Variants in KCNMA1 observed in about 807,000 individuals in gnomAD.
KCNMA1 encodes the protein potassium calcium-activated channel subfamily M alpha 1.
Under a neutral mutation model 140.0 loss-of-function variants are expected in KCNMA1, and 29 were observed. The observed-to-expected ratio is 0.21, with a 90% confidence interval of 0.15 to 0.28. The LOEUF (loss-of-function observed/expected upper bound fraction) is 0.28. Ranked by LOEUF, KCNMA1 falls within the 10% of genes least tolerant of loss-of-function variation. KCNMA1 has a pLI of 1.00. For synonymous variants in KCNMA1, 612 were observed against 611.9 expected (o/e 1.00, Z 0.00); for missense variants, 880 against 1,602.2 (o/e 0.55, Z 7.70).
At chr10:77,283,871 T>C (rs1351677508) in intron 2 of KCNMA1, among the ~76,000 whole-genome samples, 1 of 152,170 alleles carries the variant, frequency 6.6e-6, no homozygotes, top group Non-Finnish European at 1.5e-5. Flanking sequence ...AACACAATTC[T>C]AGAAGAGCTG....
intron 1 of KCNMA1, among the ~76,000 whole-genome samples, chr10:77,623,992 T>G (rs1169005391): frequency 6.6e-6 from 1 of 152,226 alleles, no homozygotes; most frequent in Non-Finnish European, 1.5e-5. Flanking sequence ...ATGTGCTGGC[T>G]GCTTACGGTT....
intron 2 of KCNMA1, among the ~76,000 whole-genome samples, chr10:77,289,753 A>C (rs1437651631): frequency 6.6e-6 from 1 of 152,236 alleles, no homozygotes; most frequent in Non-Finnish European, 1.5e-5. Flanking sequence ...AGTCTTCAAA[A>C]TAGTACATCA....
rs2152943036 is a variant in KCNMA1, at chr10:76,949,188, C to T, written c.2663G>A (p.Arg888Gln). The change falls in exon 22 of 28, where the codon CGG (arginine) becomes CAG (glutamine). Residue 888 changes from arginine (R) to glutamine (Q), a missense_variant. Arg to Gln is a conservative substitution (Grantham distance 43). Around this residue, in one of 13 missense-constraint regions of KCNMA1, gnomAD observed 82 missense variants for 170.1 expected, o/e 0.48. Coordinates refer to ENST00000286628, the MANE Select transcript of KCNMA1 (RefSeq NM_001161352.2). ...VFVGSIEYLK[R>Q]EWETLHNFPK... ...GAAGTTATGAAGCGTCTCCCATTCC[C>T]GCTTGAGGTACTCAATAGAGCCCAC... 3.1e-6 allele frequency: 5 copies of T among 1,614,148 alleles called. No individual in the cohort carries two copies. Among genetic ancestry groups the T allele is most frequent in the East Asian group, 2.2e-5 (1 of 44,876 alleles).
At chr10:76,950,450 G>C (rs1266949248) in intron 21 of KCNMA1, among the ~76,000 whole-genome samples, 1 of 152,152 alleles carries the variant, frequency 6.6e-6, no homozygotes, top group Non-Finnish European at 1.5e-5. Context: ...CAACTTCCCA[G>C]GAAATACAAA....
downstream of KCNMA1, chr10:76,876,137 A>T (rs548053449): frequency 5.9e-5 from 9 of 152,672 alleles, no homozygotes; most frequent in African/African-American, 2.2e-4. Context: ...TGTCTTCATG[A>T]TGATCTCATT....
In KCNMA1 at chr10:77,061,383, A is replaced by G. The variant is rs577793247; in HGVS notation, c.1749+11714T>C. Among the ~76,000 whole-genome samples the G allele has an allele frequency of 2.6e-5, 4 of 152,368 alleles. No individual in the cohort carries two copies. The East Asian group carries it at 7.7e-4, about 29-fold the overall frequency. The stretch of plus-strand genomic sequence containing the variant: ...CAGCACTTCACCAAAAAGCATATAC[A>G]GATGACAAATAACCACTGGGAAGGT... On this transcript the variant is annotated intron_variant, in intron 14 of 27. Coordinates refer to ENST00000286628, the MANE Select transcript of KCNMA1 (RefSeq NM_001161352.2).
chr10:77,025,493 A>G (rs776622478), intron 16 of KCNMA1: 17 of 1,557,814 alleles, frequency 1.1e-5, no homozygotes, highest in Non-Finnish European at 1.5e-5. Flanking sequence ...AAAATCAAAC[A>G]ATTTGATAAT....
chr10:77,227,168 T>G (rs1273622473), intron 3 of KCNMA1, among the ~76,000 whole-genome samples: 1 of 152,136 alleles, frequency 6.6e-6, no homozygotes, highest in Admixed American at 6.6e-5. Context: ...TTGAGGCTCA[T>G]GGAGAAAAGC....
At chr10:77,622,028 G>A (rs1222070526) in intron 1 of KCNMA1, among the ~76,000 whole-genome samples, 1 of 152,180 alleles carries the variant, frequency 6.6e-6, no homozygotes, top group Admixed American at 6.5e-5. Context: ...ACATTTATAT[G>A]TCATCTGATG....
chr10:77,231,433 C>A (rs1446606673), intron 3 of KCNMA1, among the ~76,000 whole-genome samples: 1 of 152,152 alleles, frequency 6.6e-6, no homozygotes, highest in Non-Finnish European at 1.5e-5. Context: ...TTTTTCCCTG[C>A]TAAAAGGTAC....
chr10:77,170,629 G>C (rs575384234), intron 5 of KCNMA1, among the ~76,000 whole-genome samples: 23 of 152,106 alleles, frequency 1.5e-4, no homozygotes, highest in Non-Finnish European at 2.6e-4. Context: ...ATTTGGCCTG[G>C]GACCTCCCTC....
intron 14 of KCNMA1, among the ~76,000 whole-genome samples, chr10:77,054,639 T>A (rs1210935892): frequency 6.6e-6 from 1 of 152,228 alleles, no homozygotes; most frequent in Non-Finnish European, 1.5e-5. Context: ...ACAGGACCCC[T>A]GTATTTCTCC....
intron 1 of KCNMA1, among the ~76,000 whole-genome samples, chr10:77,601,670 A>G (rs2082686011): frequency 6.6e-6 from 1 of 152,068 alleles, no homozygotes; most frequent in South Asian, 2.1e-4. Context: ...TCCAATCCCA[A>G]TGGTCTGTTT....
chr10:76,954,296 C>CGT (rs1156761128), intron 20 of KCNMA1, among the ~76,000 whole-genome samples: 1 of 133,096 alleles, frequency 7.5e-6, no homozygotes, highest in African/African-American at 2.9e-5. Flanking sequence ...CACACACATA[C>CGT]ACACACACAG....
chr10:77,565,465 G>C (rs561160990), intron 1 of KCNMA1, among the ~76,000 whole-genome samples: 3 of 152,328 alleles, frequency 2.0e-5, no homozygotes, highest in African/African-American at 7.2e-5. Flanking sequence ...AAATGTGGAA[G>C]ACAGGACCAG....
At chr10:77,338,106 G>C (rs2089799237) in intron 2 of KCNMA1, among the ~76,000 whole-genome samples, 2 of 152,194 alleles carry the variant, frequency 1.3e-5, no homozygotes, top group South Asian at 4.1e-4. Context: ...ATCTGTAAGG[G>C]AAGGGGTGAG....
intron 1 of KCNMA1, among the ~76,000 whole-genome samples, chr10:77,568,818 T>A (rs1245068518): frequency 6.6e-6 from 1 of 151,598 alleles, no homozygotes; most frequent in East Asian, 1.9e-4. Context: ...GATGACATGA[T>A]TGTATATCTA....
intron 1 of KCNMA1, chr10:77,587,628 G>A (rs1311465465): frequency 1.2e-6 from 1 of 830,922 alleles, no homozygotes. Flanking sequence ...TGGGCTGCGG[G>A]CCCCTGAGTG....
chr10:76,966,030 T>A (rs1274867220), intron 20 of KCNMA1, among the ~76,000 whole-genome samples: 10 of 152,220 alleles, frequency 6.6e-5, no homozygotes, highest in Non-Finnish European at 1.5e-4. Context: ...TCTGCTAAAC[T>A]ATAAGCATTT....
Sources: gnomAD v4.1 joint callset for allele counts (sites outside exome capture counted in the v4.1 genomes callset) on GRCh38, gnomAD v4.1.1 for gene constraint, gnomAD v4.1.1 regional missense constraint, MANE v1.5 for transcripts, NCBI Gene and HGNC (gene_info 2026-07-23, HGNC 2026-07-21) for gene names.